The following CDK5RAP2 variants were observed in gnomAD, a reference collection of about 807,000 sequenced individuals.
CDK5RAP2 encodes CDK5 regulatory subunit associated protein 2, also known as CDK5 regulatory subunit-associated protein 2.
A neutral mutation model predicts 232.9 loss-of-function variants in CDK5RAP2; 147 were observed. The observed-to-expected ratio is 0.63, with a 90% CI of 0.55 to 0.72. CDK5RAP2 has a LOEUF of 0.72. CDK5RAP2 is among the 30% of genes least tolerant of loss of function. The pLI is 0.00. For synonymous variants in CDK5RAP2, 833 were observed against 833.7 expected, an observed-to-expected ratio of 1.00 and a Z score of 0.01; for missense variants, 2,195 against 2,231.5, an observed-to-expected ratio of 0.98 and a Z score of 0.33.
In CDK5RAP2 at chr9:120,400,990, C is replaced by T. The variant is rs2032960453; in HGVS notation, c.5308-105G>A. On this transcript the variant is annotated intron_variant, in intron 34 of 37. Coordinates refer to ENST00000349780, the MANE Select transcript of CDK5RAP2 (RefSeq NM_018249.6). Reference sequence around the variant, plus strand: ...TCTCCAGACTGTAGGGCTTCTGTTTCACACGCTGAGCGAAAGCCTGGTACC... The same window carrying T: ...TCTCCAGACTGTAGGGCTTCTGTTTTACACGCTGAGCGAAAGCCTGGTACC... 16 of 1,293,190 alleles carry T rather than the reference C, an allele frequency of 1.2e-5. No individual in the cohort carries two copies. The South Asian group carries it at 1.3e-4, about 10-fold the overall frequency. The allele number at this position is 1,293,190 out of a possible 1,614,324, so 80.1% of individuals were successfully genotyped here. A position where few individuals can be genotyped will look rare whatever the true frequency, so the allele number is the denominator to read the frequency against.
At chr9:120,502,163 G>C (rs200383527) in intron 12 of CDK5RAP2, among the ~76,000 whole-genome samples, 1 of 152,138 alleles carries the variant, frequency 6.6e-6, no homozygotes, top group African/African-American at 2.4e-5. Context: ...CTCACTTTTA[G>C]AAATCTTCCC....
At chr9:120,424,428 G>A (rs529077306) in intron 25 of CDK5RAP2, among the ~76,000 whole-genome samples, 1 of 152,308 alleles carries the variant, frequency 6.6e-6, no homozygotes, top group African/African-American at 2.4e-5. Flanking sequence ...ACCTGACTGA[G>A]TCAGAGTTCC....
chr9:120,472,534 G>A (rs1009056885), intron 15 of CDK5RAP2, among the ~76,000 whole-genome samples: 2 of 152,092 alleles, frequency 1.3e-5, no homozygotes, highest in Non-Finnish European at 2.9e-5. Context: ...GGACAGGTGG[G>A]AAGAGAAAAA....
intron 1 of CDK5RAP2, 28 bp downstream of exon 1, chr9:120,579,891 TA>T: frequency 6.3e-7 from 1 of 1,598,256 alleles, no homozygotes; most frequent in Non-Finnish European, 8.6e-7. Context: ...CCGGCCCGGT[TA>T]CCACGACCAC....
Position 120,439,804 on chromosome 9 carries a change from G to A in CDK5RAP2, c.3317C>T (p.Ser1106Leu), listed in dbSNP as rs373832765. 14 of 1,614,034 alleles carry A rather than the reference G, an allele frequency of 8.7e-6. No homozygotes were observed. Among genetic ancestry groups the A allele is most frequent in the African/African-American group, 1.3e-5 (1 of 74,904 alleles). Residue 1106 changes from serine to leucine, a missense_variant, in exon 24 of 38, where the codon TCA becomes TTA. Transcript: ENST00000349780. ...CTGTTTTAAGTATTCTGTCTCATTT[G>A]AGGTATTAATGCTCTCTGACTGATC... ...GTDQSESINT[S>L]NETEYLKQKI... is the part of the protein sequence containing the mutation.
chr9:120,394,063 A>C (rs2032239385), intron 36 of CDK5RAP2, among the ~76,000 whole-genome samples: 1 of 152,124 alleles, frequency 6.6e-6, no homozygotes, highest in African/African-American at 2.4e-5. Flanking sequence ...TTGGTTTCTC[A>C]CATACAAAAA....
chr9:120,486,096 C>G (rs549712615), intron 14 of CDK5RAP2, among the ~76,000 whole-genome samples: 110 of 152,282 alleles, frequency 7.2e-4, no homozygotes, highest in Non-Finnish European at 1.3e-3. Flanking sequence ...AAAATAAACC[C>G]TGGTCCATCC....
At position 120,487,293 on chromosome 9, in the gene CDK5RAP2, C is replaced by A. The variant is rs1240614093; in HGVS notation, c.1626+1G>T. 6.2e-7 allele frequency: 1 copy of A among 1,614,048 alleles called. No homozygotes were observed. Among genetic ancestry groups the A allele is most frequent in the Admixed American group, 1.7e-5 (1 of 60,024 alleles). On this transcript the variant is annotated splice_donor_variant, in intron 14 of 37. Transcript: ENST00000349780. LOFTEE classifies it high-confidence loss of function. Reference sequence around the variant, plus strand: ...GAATGTCCAATTTCAGTCAAGCTTACCTTAGAGAAGATGGTTTTGCTGCCT... The same window carrying A: ...GAATGTCCAATTTCAGTCAAGCTTAACTTAGAGAAGATGGTTTTGCTGCCT...
chr9:120,496,664 G>A (rs2039273479), intron 12 of CDK5RAP2, among the ~76,000 whole-genome samples: 2 of 127,482 alleles, frequency 1.6e-5, no homozygotes, highest in African/African-American at 6.3e-5. Context: ...TGCCCGGCCA[G>A]CCGCCCCGTC....
chr9:120,527,955 G>C lies in CDK5RAP2; in HGVS notation c.880-30C>G, dbSNP rs776176685. ...ATTAGATTAGAAAAAGATTCACTAA[G>C]TTGATGCGTTCCAACCAAAATGCAC... is the stretch of plus-strand genomic sequence containing the variant. On this transcript the variant is annotated intron_variant, in intron 9 of 37. Coordinates refer to ENST00000349780, the MANE Select transcript of CDK5RAP2 (RefSeq NM_018249.6). The C allele has an allele frequency of 3.1e-6, 5 of 1,612,674 alleles. No homozygotes were observed. The South Asian group carries it at 5.5e-5, about 18-fold the overall frequency.
intron 35 of CDK5RAP2, among the ~76,000 whole-genome samples, chr9:120,397,571 AAG>A (rs1440123698): frequency 7.2e-4 from 101 of 139,670 alleles, no homozygotes; most frequent in East Asian, 2.6e-3. Context: ...AAAAAGAAAA[AAG>A]AAAAAAAAAA....
intron 24 of CDK5RAP2, 116 bp from the exon 25 acceptor site, chr9:120,437,643 G>GTA (rs1386650764): frequency 6.7e-6 from 5 of 750,956 alleles, no homozygotes; most frequent in Non-Finnish European, 1.2e-5. Flanking sequence ...AGCTGTACAA[G>GTA]TATATATACT....
Position 120,504,498 on chromosome 9 carries a change from C to T in CDK5RAP2, c.1312-13021G>A, listed in dbSNP as rs139321170. On this transcript the variant is annotated intron_variant, in intron 12 of 37. Coordinates refer to ENST00000349780, the MANE Select transcript of CDK5RAP2 (RefSeq NM_018249.6). ...AGGTATTCCTCCCGCCAGACAGCTCCCTACCCCGCATCCCACTGCCTCTGC... is the reference window on the plus strand; with the variant it reads ...AGGTATTCCTCCCGCCAGACAGCTCTCTACCCCGCATCCCACTGCCTCTGC... Among the ~76,000 whole-genome samples the T allele has an allele frequency of 1.8e-3, 275 of 152,306 alleles. 3 individuals are homozygous for T. In the South Asian group the frequency reaches 0.019, roughly 10 times the overall value.
chr9:120,480,230 T>C (rs1273371378), intron 14 of CDK5RAP2, among the ~76,000 whole-genome samples: 1 of 152,166 alleles, frequency 6.6e-6, no homozygotes, highest in Non-Finnish European at 1.5e-5. Context: ...CTCCTAAAGC[T>C]AAGACATACC....
In CDK5RAP2 at chr9:120,470,140, G is replaced by T; in HGVS notation, c.1939C>A (p.His647Asn). ...LEENNRFQVE[H>N]FSQEELKKKV... Reference sequence around the variant, plus strand: ...TTCTTAAGTTCTTCTTGAGAAAAATGTTCCACTTGAAACCGATTGTTTTCT... The same window carrying T: ...TTCTTAAGTTCTTCTTGAGAAAAATTTTCCACTTGAAACCGATTGTTTTCT... Residue 647 changes from histidine (H) to asparagine (N), a missense_variant, in exon 17 of 38, where the codon CAT becomes AAT. Coordinates refer to ENST00000349780, the MANE Select transcript of CDK5RAP2 (RefSeq NM_018249.6). The T allele has an allele frequency of 6.3e-7, 1 of 1,578,212 alleles. No individual in the cohort carries two copies. Among genetic ancestry groups the T allele is most frequent in the Non-Finnish European group, 8.7e-7 (1 of 1,149,192 alleles).
intron 22 of CDK5RAP2, among the ~76,000 whole-genome samples, chr9:120,447,228 T>A (rs527577635): frequency 1.3e-5 from 2 of 152,220 alleles, no homozygotes; most frequent in Non-Finnish European, 2.9e-5. Flanking sequence ...ATGCTACTTA[T>A]ATGCTCAGCT....
rs763454925 is a variant in CDK5RAP2, at chr9:120,453,693, A to T, written c.2556T>A (p.Ser852=). ...CTGCCTTTACTAGCTGGGCCTCACA[A>T]GACAACTTCAGTTCATCATGTGGCT... ...FSKPHDELKL[S]CEAQLVKAGE... The change falls in exon 21 of 38, where the codon TCT becomes TCA. Residue 852 remains serine (S), a synonymous_variant. Coordinates refer to ENST00000349780, the MANE Select transcript of CDK5RAP2 (RefSeq NM_018249.6). The T allele has an allele frequency of 4.3e-6, 7 of 1,614,114 alleles. No homozygotes were observed. Among genetic ancestry groups the T allele is most frequent in the Admixed American group, 3.3e-5 (2 of 60,006 alleles).
intron 15 of CDK5RAP2, among the ~76,000 whole-genome samples, chr9:120,472,202 T>C (rs1286971333): frequency 6.6e-6 from 1 of 152,216 alleles, no homozygotes; most frequent in Non-Finnish European, 1.5e-5. Context: ...TTTTAGAAAT[T>C]ATTTGCAAAA....
intron 3 of CDK5RAP2, among the ~76,000 whole-genome samples, chr9:120,562,541 C>A (rs2042501015): frequency 6.6e-6 from 1 of 152,138 alleles, no homozygotes; most frequent in Non-Finnish European, 1.5e-5. Context: ...CTGCCAGCTA[C>A]AGACCTGGTC....
Sources: allele counts gnomAD v4.1 joint callset (sites outside exome capture counted in the v4.1 genomes callset), GRCh38; gene constraint gnomAD v4.1.1; transcripts MANE v1.5; gene names NCBI Gene and HGNC (gene_info 2026-07-23, HGNC 2026-07-21).